POR: variants seen among roughly 807,000 people sequenced by gnomAD.
POR encodes NADPH--cytochrome P450 reductase.
Under a neutral mutation model 84.0 loss-of-function variants are expected in POR, and 56 were observed. The observed-to-expected ratio is 0.67, with a 90% CI of 0.54 to 0.83. The LOEUF (loss-of-function observed/expected upper bound fraction) is 0.83, where lower values mean the gene tolerates loss of function less well. Ranked by LOEUF, POR falls within the 40% of genes least tolerant of loss-of-function variation. The probability of loss-of-function intolerance (pLI) is 0.00; values close to 1 mark genes in which losing one functional copy is unlikely to be tolerated. For missense variants in POR, 938 were observed against 944.3 expected, an observed-to-expected ratio of 0.99 and a Z score of 0.09; for synonymous variants, 414 against 400.5, an observed-to-expected ratio of 1.03 and a Z score of -0.40.
Position 75,985,965 on chromosome 7 carries a change from G to A in POR, c.1712G>A (p.Arg571His), listed in dbSNP as rs376509000. Residue 571 changes from arginine (R) to histidine (H), a missense_variant, in exon 14 of 16, where the codon CGC (arginine) becomes CAC (histidine). Coordinates refer to ENST00000461988, the MANE Select transcript of POR (RefSeq NM_000941.3). ...ACGCTGCTGTACTACGGCTGCCGCC[G>A]CTCGGATGAGGACTACCTGTACCGG... is the stretch of plus-strand genomic sequence containing the variant. 26 of 1,587,184 alleles carry A rather than the reference G, an allele frequency of 1.6e-5. No homozygotes were observed. The highest frequency in any genetic ancestry group is 5.4e-5 in the Admixed American group (3 of 55,902).
intron 10 of POR, 45 bp downstream of exon 10, chr7:75,983,901 G>C: frequency 6.8e-7 from 1 of 1,471,662 alleles, no homozygotes; most frequent in South Asian, 1.3e-5. Flanking sequence ...AGGCAGCCGC[G>C]GGATTGGGCC....
chr7:75,953,341 C>T (rs868929423), intron 1 of POR, among the ~76,000 whole-genome samples: 86 of 139,844 alleles, frequency 6.1e-4, no homozygotes, highest in African/African-American at 2.2e-3. Flanking sequence ...GGGGGAGGGA[C>T]CAGACTTTGT....
intron 1 of POR, among the ~76,000 whole-genome samples, chr7:75,951,544 C>T (rs192345718): frequency 3.3e-5 from 5 of 152,278 alleles, no homozygotes; most frequent in Admixed American, 2.6e-4. Flanking sequence ...AGCAGTAGAC[C>T]GATGCCCACA....
chr7:75,956,865 A>G lies in POR; in HGVS notation c.188+2685A>G, dbSNP rs1420618035. ...CTCAGTCTCCCGAGTGCCTGGGACT[A>G]CAGGCACATGCTACCACGCCTGGCT... is the stretch of plus-strand genomic sequence containing the variant. On this transcript the variant is annotated intron_variant, in intron 2 of 15. Transcript: ENST00000461988. Among the ~76,000 whole-genome samples, 4 of 152,010 alleles carry G rather than the reference A, an allele frequency of 2.6e-5. No homozygotes were observed. In the East Asian group the frequency reaches 7.7e-4, roughly 29 times the overall value.
intron 1 of POR, among the ~76,000 whole-genome samples, chr7:75,941,315 G>A (rs1000108841): frequency 2.0e-5 from 3 of 152,192 alleles, no homozygotes; most frequent in East Asian, 1.9e-4. Flanking sequence ...GGAACCGTGC[G>A]TGGACTCGAG....
intron 1 of POR, chr7:75,943,890 C>T (rs1787064122): frequency 2.0e-6 from 1 of 501,620 alleles, no homozygotes; most frequent in South Asian, 1.5e-5. Flanking sequence ...TCCTGTGGCT[C>T]AGTCTTATTT....
At chr7:75,964,409 G>GCGATTCTCCTGCTTCAGC (rs1788083263) in intron 2 of POR, among the ~76,000 whole-genome samples, 2 of 152,168 alleles carry the variant, frequency 1.3e-5, no homozygotes, top group Admixed American at 1.3e-4. Flanking sequence ...CCGGCTTCAG[G>GCGATTCTCCTGCTTCAGC]CGATTCTCCT....
intron 4 of POR, chr7:75,979,889 C>G: frequency 2.5e-6 from 1 of 394,916 alleles, no homozygotes; most frequent in Non-Finnish European, 4.7e-6. Flanking sequence ...CTGCTCCACT[C>G]CCCTCTCCTT....
chr7:75,940,429 C>T (rs1807922701), intron 1 of POR, among the ~76,000 whole-genome samples: 1 of 151,856 alleles, frequency 6.6e-6, no homozygotes, highest in Admixed American at 6.6e-5. Flanking sequence ...GCTGATTTCC[C>T]AATTTACGCA....
intron 2 of POR, among the ~76,000 whole-genome samples, chr7:75,969,619 C>A (rs1383917390): frequency 3.3e-5 from 5 of 152,230 alleles, no homozygotes; most frequent in African/African-American, 9.6e-5. Flanking sequence ...GGAGATGGAA[C>A]TTCCCTGGAA....
intron 1 of POR, among the ~76,000 whole-genome samples, chr7:75,934,742 G>C (rs1049925286): frequency 1.3e-5 from 2 of 152,184 alleles, no homozygotes; most frequent in Non-Finnish European, 2.9e-5. Context: ...TCCAGCCTTG[G>C]CTCAAAGGGG....
intron 1 of POR, among the ~76,000 whole-genome samples, chr7:75,935,227 AT>A (rs1213575858): frequency 5.9e-5 from 9 of 151,936 alleles, no homozygotes; most frequent in Non-Finnish European, 1.2e-4. Context: ...GAGCTTTAAG[AT>A]TTAATGACTG....
intron 2 of POR, among the ~76,000 whole-genome samples, chr7:75,970,335 G>A (rs1788374583): frequency 6.6e-6 from 1 of 151,728 alleles, no homozygotes; most frequent in Admixed American, 6.6e-5. Context: ...TGTCTCCCGG[G>A]CTGGAACCCG....
intron 2 of POR, among the ~76,000 whole-genome samples, chr7:75,956,369 G>A (rs1055817151): frequency 6.6e-6 from 1 of 152,160 alleles, no homozygotes; most frequent in Non-Finnish European, 1.5e-5. Context: ...CATTTCCTGA[G>A]GCCCTACCTA....
At chr7:75,975,185 T>C (rs567450523) in intron 3 of POR, among the ~76,000 whole-genome samples, 63 of 152,194 alleles carry the variant, frequency 4.1e-4, no homozygotes, top group Admixed American at 1.8e-3. Flanking sequence ...TTTTAGGGTT[T>C]TGTTTTTCAT....
chr7:75,940,394 A>G (rs782298099), intron 1 of POR, among the ~76,000 whole-genome samples: 7 of 151,818 alleles, frequency 4.6e-5, no homozygotes, highest in Non-Finnish European at 8.8e-5. Flanking sequence ...GCTTACTCTT[A>G]TCTTAGATAT....
chr7:75,983,708 G>A (rs187216317), intron 9 of POR, 30 bp from the exon 10 acceptor site: 430 of 1,609,694 alleles, frequency 2.7e-4, no homozygotes, highest in Admixed American at 4.0e-4. Context: ...CCAGCCTTCC[G>A]CCCCTCCCGA....
rs935601995 is a variant in POR, at chr7:75,915,184, G to C, written c.-5+5G>C. ...AGAGCAGCCGGGCTGCCAGCGGTGA[G>C]TGCTATCTTTCGCGGCGACGGCGGG... On this transcript the variant is annotated splice_donor_5th_base_variant and intron_variant, in intron 1 of 15. Coordinates refer to ENST00000461988, the MANE Select transcript of POR (RefSeq NM_000941.3). 2 of 154,506 alleles carry C rather than the reference G, an allele frequency of 1.3e-5. No homozygotes were observed. The highest frequency in any genetic ancestry group is 3.8e-4 in the East Asian group (2 of 5,200). The allele number at this position is 154,506 out of a possible 1,614,324, so 9.6% of individuals were successfully genotyped here.
At chr7:75,929,639 A>G (rs1261660505) in intron 1 of POR, among the ~76,000 whole-genome samples, 1 of 152,182 alleles carries the variant, frequency 6.6e-6, no homozygotes, top group Non-Finnish European at 1.5e-5. Flanking sequence ...GGAATGACCA[A>G]TACGGTGCCC....
Sources: gnomAD v4.1 joint callset for allele counts (sites outside exome capture counted in the v4.1 genomes callset) on GRCh38, gnomAD v4.1.1 for gene constraint, MANE v1.5 for transcripts, NCBI Gene and HGNC (gene_info 2026-07-23, HGNC 2026-07-21) for gene names.